Variants in SLC26A3 observed in about 807,000 individuals in gnomAD.
SLC26A3 encodes solute carrier family 26 member 3, also known as chloride anion exchanger.
SLC26A3 carries 64 observed loss-of-function variants against 85.6 expected under a neutral mutation model. That is an observed-to-expected ratio of 0.75 (90% confidence interval 0.61 to 0.92). The LOEUF is 0.92. SLC26A3 is among the 40% of genes least tolerant of loss of function. SLC26A3 has a pLI of 0.00. For missense variants in SLC26A3, 922 were observed against 927.3 expected (o/e 0.99, Z 0.07); for synonymous variants, 349 against 336.0 (o/e 1.04, Z -0.42).
chr7:107,786,504 T>A (rs1794297368), intron 8 of SLC26A3, among the ~76,000 whole-genome samples: 1 of 151,900 alleles, frequency 6.6e-6, no homozygotes, highest in Non-Finnish European at 1.5e-5. Flanking sequence ...TGCTAACTTT[T>A]ACTTTCCTGT....
At chr7:107,793,989 TAA>T (rs1794451920) in intron 2 of SLC26A3, 108 bp from the exon 3 acceptor site, 1 of 1,377,530 alleles carries the variant, frequency 7.3e-7, no homozygotes, top group African/African-American at 1.4e-5. Flanking sequence ...ATTAAACTAG[TAA>T]TTTCACTCCC....
intron 18 of SLC26A3, among the ~76,000 whole-genome samples, chr7:107,771,796 G>T (rs1794034585): frequency 6.6e-6 from 1 of 152,192 alleles, no homozygotes; most frequent in African/African-American, 2.4e-5. Flanking sequence ...GAAGTTTAGA[G>T]TGAAAAATAG....
At chr7:107,799,348 CT>C (rs2115907257) in intron 1 of SLC26A3, among the ~76,000 whole-genome samples, 1 of 152,236 alleles carries the variant, frequency 6.6e-6, no homozygotes, top group African/African-American at 2.4e-5. Context: ...ACTATGTTTG[CT>C]ATAAGCCAGT....
In SLC26A3 at chr7:107,765,654, A is replaced by C; in HGVS notation, c.*201T>G. 1.9e-6 allele frequency: 1 copy of C among 526,684 alleles called. No individual in the cohort carries two copies. The allele number at this position is 526,684 out of a possible 1,614,324, so 32.6% of individuals were successfully genotyped here. A position where few individuals can be genotyped will look rare whatever the true frequency, so the allele number is the denominator to read the frequency against. On this transcript the variant is annotated 3_prime_UTR_variant, in exon 21 of 21. Transcript: ENST00000340010. ...TTTCACCCTTTGATAAAGCTACAAG[A>C]TATAAAATTTAGAATACTTATATAA... is the stretch of plus-strand genomic sequence containing the variant.
At chr7:107,779,346 C>T (rs1010561624) in intron 12 of SLC26A3, among the ~76,000 whole-genome samples, 4 of 152,128 alleles carry the variant, frequency 2.6e-5, no homozygotes, top group Admixed American at 6.6e-5. Context: ...AGAAGCCATG[C>T]GTACCCTAAA....
In SLC26A3 at chr7:107,787,498, A is replaced by G. The variant is rs2115859129; in HGVS notation, c.747T>C (p.Ser249=). Residue 249 remains serine (S), a synonymous_variant, in exon 7 of 21, where the codon TCT becomes TCC. Coordinates refer to ENST00000340010, the MANE Select transcript of SLC26A3 (RefSeq NM_000111.3). ...TAGTCTTCTCTATTTGTGAGAATAC[A>G]GAGTATAGTACCTACAATTATAAAA... is the stretch of plus-strand genomic sequence containing the variant. ...DPVSIFKVLY[S]VFSQIEKTNI... is the part of the protein sequence containing the mutation. 6.2e-7 allele frequency: 1 copy of G among 1,613,432 alleles called. No individual in the cohort carries two copies. The highest frequency in any genetic ancestry group is 2.2e-5 in the East Asian group (1 of 44,870).
At chr7:107,792,195 C>G (rs1794414461) in intron 3 of SLC26A3, among the ~76,000 whole-genome samples, 2 of 152,128 alleles carry the variant, frequency 1.3e-5, no homozygotes, top group South Asian at 2.1e-4. Flanking sequence ...CAGTCCCCAA[C>G]CTTTTTGGCA....
At position 107,789,555 on chromosome 7, in the gene SLC26A3, G is replaced by A. The variant is rs769956584; in HGVS notation, c.704C>T (p.Pro235Leu). The stretch of plus-strand genomic sequence containing the variant: ...AATTGAAACTGGATCAGTGTGTGAC[G>A]GGACTGTCAACTGAAAAATGAATTT... ...QLKFIFQLTVPSHTDPVSIFK... is the reference protein window; with the variant it reads ...QLKFIFQLTVLSHTDPVSIFK... The change falls in exon 6 of 21, where the codon CCG (proline) becomes CTG (leucine). Residue 235 changes from proline to leucine, a missense_variant. Transcript: ENST00000340010. 3.1e-6 allele frequency: 5 copies of A among 1,613,868 alleles called. No individual in the cohort carries two copies. The highest frequency in any genetic ancestry group is 2.2e-5 in the South Asian group (2 of 91,068).
At chr7:107,780,187 A>T (rs886488181) in intron 11 of SLC26A3, among the ~76,000 whole-genome samples, 4 of 151,904 alleles carry the variant, frequency 2.6e-5, no homozygotes, top group Non-Finnish European at 1.5e-5. Context: ...ATAGCTTGGG[A>T]AGCTTGAGGT....
At chr7:107,796,094 CTTA>C (rs58164632) in intron 1 of SLC26A3, among the ~76,000 whole-genome samples, 2,456 of 148,776 alleles carry the variant, frequency 0.017, 41 homozygotes, top group African/African-American at 0.041. Flanking sequence ...TTATGACTCC[CTTA>C]TTATTATTAT....
chr7:107,797,176 C>G (rs12673289), intron 1 of SLC26A3, among the ~76,000 whole-genome samples: 57,774 of 151,800 alleles, frequency 0.38, 11,341 homozygotes, highest in South Asian at 0.44. Context: ...GGGCCCTGCT[C>G]AGGGTAGGAA....
Position 107,789,593 on chromosome 7 carries a change from C to T in SLC26A3, c.666G>A (p.Leu222=), listed in dbSNP as rs979905432. Residue 222 remains leucine (L), a synonymous_variant, in exon 6 of 21, where the codon TTG becomes TTA. Coordinates refer to ENST00000340010, the MANE Select transcript of SLC26A3 (RefSeq NM_000111.3). ...GFTTAAAVHV[L]VSQLKFIFQL... is the part of the protein sequence containing the mutation. Reference sequence around the variant, plus strand: ...GAAAAATGAATTTGAGTTGGGAAACCAAAACATGAACAGCAGCAGCAGTAG... The same window carrying T: ...GAAAAATGAATTTGAGTTGGGAAACTAAAACATGAACAGCAGCAGCAGTAG... 6.2e-7 allele frequency: 1 copy of T among 1,613,902 alleles called. No individual in the cohort carries two copies. Among genetic ancestry groups the T allele is most frequent in the African/African-American group, 1.3e-5 (1 of 74,970 alleles).
chr7:107,799,709 A>G (rs1252661040), intron 1 of SLC26A3, among the ~76,000 whole-genome samples: 1 of 152,158 alleles, frequency 6.6e-6, no homozygotes, highest in East Asian at 1.9e-4. Flanking sequence ...TCCTTAAAGC[A>G]AAAGGAGGAG....
At chr7:107,771,160 T>C (rs1194776339) in intron 18 of SLC26A3, among the ~76,000 whole-genome samples, 2 of 152,158 alleles carry the variant, frequency 1.3e-5, no homozygotes, top group South Asian at 4.1e-4. Flanking sequence ...AGAGCAGAAA[T>C]TGGTGATGGT....
intron 1 of SLC26A3, among the ~76,000 whole-genome samples, chr7:107,802,866 G>A (rs1017283698): frequency 6.6e-6 from 1 of 151,416 alleles, no homozygotes; most frequent in East Asian, 1.9e-4. Context: ...CTTTGAAAAG[G>A]CTATTTAAGA....
In SLC26A3 at chr7:107,773,442, C is replaced by T. The variant is rs534500663; in HGVS notation, c.2007+478G>A. On this transcript the variant is annotated intron_variant, in intron 17 of 20. Transcript: ENST00000340010. ...TAGTACCCAGTCTCATGGAAAAATGCCCTTTCAAGAGTCCACTGAACACCA... is the reference window on the plus strand; with the variant it reads ...TAGTACCCAGTCTCATGGAAAAATGTCCTTTCAAGAGTCCACTGAACACCA... Among the ~76,000 whole-genome samples the T allele has an allele frequency of 3.9e-4, 59 of 152,280 alleles. No homozygotes were observed. In the South Asian group the frequency reaches 0.011, roughly 29 times the overall value.
At position 107,765,705 on chromosome 7, in the gene SLC26A3, T is replaced by C. The variant is rs929419765; in HGVS notation, c.*150A>G. ...TTTCATACTAGATATGTGAAAAATA[T>C]GCCATGCTAGAACCATCTTGTTCCA... On this transcript the variant is annotated 3_prime_UTR_variant, in exon 21 of 21. Coordinates refer to ENST00000340010, the MANE Select transcript of SLC26A3 (RefSeq NM_000111.3). The C allele has an allele frequency of 1.0e-5, 6 of 577,192 alleles. No individual in the cohort carries two copies. The highest frequency in any genetic ancestry group is 2.4e-5 in the South Asian group (1 of 40,820). 35.8% of individuals were successfully genotyped at this position (577,192 alleles called of 1,614,324 possible).
intron 2 of SLC26A3, 32 bp downstream of exon 2, chr7:107,794,347 T>G: frequency 6.2e-7 from 1 of 1,612,336 alleles, no homozygotes; most frequent in South Asian, 1.1e-5. Flanking sequence ...AAAAATGTAT[T>G]CCTAATGCCA....
chr7:107,776,481 C>T lies in SLC26A3; in HGVS notation c.1648G>A (p.Gly550Ser). Residue 550 changes from glycine to serine, a missense_variant, in exon 15 of 21, where the codon GGT becomes AGT. Physicochemically the swap from Gly to Ser is moderately conservative, Grantham distance 56. Coordinates refer to ENST00000340010, the MANE Select transcript of SLC26A3 (RefSeq NM_000111.3). ...CPSPIYFANI[G>S]FFRRKLIDAV... ...TCGATAAGTTTCCGCCTAAAGAAACCAATGTTTGCAAAGTAGATAGGAGAT... is the reference window on the plus strand; with the variant it reads ...TCGATAAGTTTCCGCCTAAAGAAACTAATGTTTGCAAAGTAGATAGGAGAT... 6.2e-7 allele frequency: 1 copy of T among 1,614,024 alleles called. No individual in the cohort carries two copies. Among genetic ancestry groups the T allele is most frequent in the Non-Finnish European group, 8.5e-7 (1 of 1,179,944 alleles).
Sources: gnomAD v4.1 joint callset for allele counts (sites outside exome capture counted in the v4.1 genomes callset) on GRCh38, gnomAD v4.1.1 for gene constraint, MANE v1.5 for transcripts, NCBI Gene and HGNC (gene_info 2026-07-23, HGNC 2026-07-21) for gene names.